PHF6: variants seen among roughly 807,000 people sequenced by gnomAD.
PHF6 encodes PHD-like zinc finger protein.
In PHF6, 7 loss-of-function variants were observed where a neutral mutation model predicts 34.0. The observed-to-expected ratio is 0.21, with a 90% CI of 0.12 to 0.39. PHF6 has a LOEUF of 0.39. PHF6 is among the 10% of genes least tolerant of loss of function. The probability of loss-of-function intolerance (pLI) is 1.00; values close to 1 mark genes in which losing one functional copy is unlikely to be tolerated. For missense variants in PHF6, 128 were observed against 262.8 expected, an observed-to-expected ratio of 0.49 and a Z score of 3.55; for synonymous variants, 89 against 88.4, an observed-to-expected ratio of 1.01 and a Z score of -0.04.
intron 1 of PHF6, 113 bp from the exon 2 acceptor site, chrX:134,377,459 C>A: frequency 1.4e-4 from 69 of 483,487 alleles, no homozygotes; most frequent in Middle Eastern, 1.3e-3. Context: ...ACTAAATAAA[C>A]ATTTAAAAAT....
At chrX:134,407,781 C>G (rs767635847) in intron 5 of PHF6, among the ~76,000 whole-genome samples, 8 of 110,570 alleles carry the variant, frequency 7.2e-5, no homozygotes, top group Non-Finnish European at 1.3e-4. Context: ...AACTGAGGCT[C>G]TTATACACTG....
intron 3 of PHF6, among the ~76,000 whole-genome samples, chrX:134,379,432 C>CTTTTTTTTTTTTTTTTTTTTTTTT (rs34099570): frequency 7.6e-5 from 2 of 26,276 alleles, no homozygotes; most frequent in Non-Finnish European, 1.1e-4. Flanking sequence ...CTTTTCTTTT[C>CTTTTTTTTTTTTTTTTTTTTTTTT]TTTTTTTTTT....
rs2077514088 is a variant in PHF6, at chrX:134,428,353, C to A, written c.*2693C>A. 6.6e-6 allele frequency: 1 copy of A among 151,580 alleles called. No homozygotes were observed. Among genetic ancestry groups the A allele is most frequent in the African/African-American group, 3.1e-5 (1 of 32,363 alleles). The allele number at this position is 151,580 out of a possible 1,213,427, so 12.5% of individuals were successfully genotyped here. A position where few individuals can be genotyped will look rare whatever the true frequency, so the allele number is the denominator to read the frequency against. Reference sequence around the variant, plus strand: ...ATCTCAAGTTATTAAAAACCCACAACTGAAGTAAATTTTATTTCAAGAATC... The same window carrying A: ...ATCTCAAGTTATTAAAAACCCACAAATGAAGTAAATTTTATTTCAAGAATC... On this transcript the variant is annotated 3_prime_UTR_variant, in exon 11 of 11. Coordinates refer to ENST00000370803, the MANE Select transcript of PHF6 (RefSeq NM_001015877.2).
chrX:134,388,362 G>C (rs1165701552), intron 3 of PHF6, among the ~76,000 whole-genome samples: 1 of 111,568 alleles, frequency 9.0e-6, no homozygotes, highest in East Asian at 2.8e-4. Flanking sequence ...CGTATCTCCT[G>C]TGCAAATATC....
rs1602710619 is a variant in PHF6 at position 134,407,012 on chromosome X, G to A, written c.419-6479G>A. The stretch of plus-strand genomic sequence containing the variant: ...CTAACATCCAGGAGCATATGGAAAT[G>A]TGTATTTCCATGACAATGAATATTA... On this transcript the variant is annotated intron_variant, in intron 5 of 10. Coordinates refer to ENST00000370803, the MANE Select transcript of PHF6 (RefSeq NM_001015877.2). Among the ~76,000 whole-genome samples, 3 of 112,134 alleles carry A rather than the reference G, an allele frequency of 2.7e-5. No homozygotes were observed. In the Admixed American group the frequency reaches 2.8e-4, roughly 11 times the overall value.
chrX:134,413,478 C>T lies in PHF6; in HGVS notation c.419-13C>T. ...GATTGGTCCATAAAAAGTTTTTGTT[C>T]ATTTTTAAGCAGCTGATTTAGAAGA... is the stretch of plus-strand genomic sequence containing the variant. On this transcript the variant is annotated splice_polypyrimidine_tract_variant and intron_variant, in intron 5 of 10. Coordinates refer to ENST00000370803, the MANE Select transcript of PHF6 (RefSeq NM_001015877.2). 8.3e-7 allele frequency: 1 copy of T among 1,209,318 alleles called. No homozygotes were observed. The highest frequency in any genetic ancestry group is 1.1e-6 in the Non-Finnish European group (1 of 894,063).
intron 8 of PHF6, among the ~76,000 whole-genome samples, chrX:134,416,348 A>G (rs1054759156): frequency 1.8e-5 from 2 of 111,922 alleles, no homozygotes; most frequent in African/African-American, 3.2e-5. Context: ...ATACAGCTAA[A>G]GTCCAAACAG....
intron 3 of PHF6, among the ~76,000 whole-genome samples, chrX:134,380,407 T>A (rs2077302072): frequency 9.0e-6 from 1 of 111,689 alleles, no homozygotes; most frequent in Non-Finnish European, 1.9e-5. Context: ...GTTCTGGGAT[T>A]ACAGGTGTGA....
At chrX:134,406,827 T>C (rs962761420) in intron 5 of PHF6, among the ~76,000 whole-genome samples, 5 of 112,291 alleles carry the variant, frequency 4.5e-5, no homozygotes, top group Non-Finnish European at 7.5e-5. Context: ...TTATTTTGAA[T>C]AGATACATGA....
intron 10 of PHF6, 154 bp downstream of exon 10, chrX:134,425,484 A>G: frequency 1.6e-6 from 1 of 637,951 alleles, no homozygotes; most frequent in Non-Finnish European, 2.4e-6. Context: ...GTAGGCTTGC[A>G]TAGTAGTTGT....
At chrX:134,422,581 T>A (rs1254430384) in intron 9 of PHF6, among the ~76,000 whole-genome samples, 2 of 112,233 alleles carry the variant, frequency 1.8e-5, no homozygotes, top group Non-Finnish European at 3.8e-5. Context: ...TAACTATGGC[T>A]TTTCTTCCTT....
intron 3 of PHF6, among the ~76,000 whole-genome samples, chrX:134,378,323 T>G (rs937234800): frequency 1.8e-5 from 2 of 111,823 alleles, no homozygotes; most frequent in Admixed American, 9.5e-5. Context: ...CTATTCAATT[T>G]TTTTTGCTTT....
At chrX:134,386,414 A>ATT (rs35350115) in intron 3 of PHF6, among the ~76,000 whole-genome samples, 27,997 of 94,644 alleles carry the variant, frequency 0.3, 4,023 homozygotes, top group East Asian at 0.64. Flanking sequence ...TTCCCAGATG[A>ATT]TTTTTTTTTT....
At chrX:134,402,723 G>C (rs769028383) in intron 5 of PHF6, among the ~76,000 whole-genome samples, 1 of 112,312 alleles carries the variant, frequency 8.9e-6, no homozygotes, top group Non-Finnish European at 1.9e-5. Context: ...TTGAAGGTTT[G>C]TGGCAACCTT....
intron 3 of PHF6, among the ~76,000 whole-genome samples, chrX:134,384,943 G>A (rs776805316): frequency 9.0e-6 from 1 of 111,637 alleles, no homozygotes. Flanking sequence ...GAGCCACTGC[G>A]CCCAGCCTGC....
At chrX:134,382,263 T>A (rs2077310671) in intron 3 of PHF6, among the ~76,000 whole-genome samples, 1 of 111,976 alleles carries the variant, frequency 8.9e-6, no homozygotes, top group Non-Finnish European at 1.9e-5. Context: ...GCCAGAGTAC[T>A]AAGGCTTTTA....
chrX:134,405,355 C>T (rs143433765), intron 5 of PHF6, among the ~76,000 whole-genome samples: 2,159 of 111,209 alleles, frequency 0.019, 32 homozygotes, highest in Non-Finnish European at 0.029. Context: ...CCTGCCACCA[C>T]GCCCAGATAA....
intron 5 of PHF6, among the ~76,000 whole-genome samples, chrX:134,411,504 T>C (rs960240542): frequency 1.8e-5 from 2 of 110,714 alleles, no homozygotes; most frequent in African/African-American, 6.6e-5. Context: ...AATAATGTTA[T>C]TTATTAAACA....
chrX:134,380,731 T>C (rs2077303757), intron 3 of PHF6, among the ~76,000 whole-genome samples: 1 of 112,263 alleles, frequency 8.9e-6, no homozygotes, highest in African/African-American at 3.2e-5. Flanking sequence ...AGGGGTTAGA[T>C]AATGACAGTA....
Sources: gnomAD v4.1 joint callset for allele counts (sites outside exome capture counted in the v4.1 genomes callset) on GRCh38, gnomAD v4.1.1 for gene constraint, MANE v1.5 for transcripts, NCBI Gene and HGNC (gene_info 2026-07-23, HGNC 2026-07-21) for gene names.